PCDH15: variants seen among roughly 807,000 people sequenced by gnomAD.
PCDH15 encodes the protein protocadherin related 15, also known as protocadherin-15.
PCDH15 carries 129 observed loss-of-function variants against 178.5 expected under a neutral mutation model. That is an observed-to-expected ratio of 0.72 (90% confidence interval 0.63 to 0.84). The LOEUF (loss-of-function observed/expected upper bound fraction) is 0.84, where lower values mean the gene tolerates loss of function less well. PCDH15 is among the 40% of genes least tolerant of loss of function. PCDH15 has a pLI of 0.00. For synonymous variants in PCDH15, 800 were observed against 732.0 expected (o/e 1.09, Z -1.50); for missense variants, 2,230 against 2,099.9 (o/e 1.06, Z -1.21).
At position 53,807,037 on chromosome 10, in the gene PCDH15, G is replaced by GGTTTCTCT; in HGVS notation, c.4757_4764dup (p.Leu1590GlufsTer26). ...CTGTGGATACTAGGATGGTGAAGAC[G>GGTTTCTCT]GTTTCTCTGACATTCAGGAGCACTG... On this transcript the variant is annotated frameshift_variant, in exon 38 of 38. Coordinates refer to ENST00000644397, the MANE Select transcript of PCDH15 (RefSeq NM_001384140.1). LOFTEE classifies it high-confidence loss of function. The GGTTTCTCT allele has an allele frequency of 6.2e-7, 1 of 1,613,452 alleles. No homozygotes were observed. The highest frequency in any genetic ancestry group is 8.5e-7 in the Non-Finnish European group (1 of 1,179,666).
At chr10:54,967,699 C>T (rs1838826993) in intron 2 of PCDH15, among the ~76,000 whole-genome samples, 1 of 152,044 alleles carries the variant, frequency 6.6e-6, no homozygotes, top group African/African-American at 2.4e-5. Flanking sequence ...TGTTAGTTTT[C>T]CAGGGATGCT....
chr10:55,624,348 A>C (rs904096797), intron 2 of PCDH15, among the ~76,000 whole-genome samples: 1 of 151,946 alleles, frequency 6.6e-6, no homozygotes, highest in African/African-American at 2.4e-5. Context: ...ACATTATTCC[A>C]TTACATGCAT....
intron 13 of PCDH15, among the ~76,000 whole-genome samples, chr10:54,177,785 G>C (rs992276950): frequency 4.6e-5 from 7 of 152,070 alleles, no homozygotes; most frequent in Non-Finnish European, 8.8e-5. Flanking sequence ...CCTCCAACAC[G>C]ACTAGATGCA....
chr10:53,838,164 A>T (rs1315486323), intron 29 of PCDH15, among the ~76,000 whole-genome samples: 2 of 151,660 alleles, frequency 1.3e-5, no homozygotes, highest in Non-Finnish European at 2.9e-5. Context: ...TTTAGTAGAG[A>T]CGGGGTTTCA....
rs76605315 is a variant in PCDH15, at chr10:54,823,899, A to G, written c.-29+73551T>C. Among the ~76,000 whole-genome samples the G allele has an allele frequency of 7.8e-3, 1,191 of 152,284 alleles. 14 individuals are homozygous for G. Among genetic ancestry groups the G allele is most frequent in the African/African-American group, 0.027 (1,122 of 41,576 alleles). ...TGCAAAAAGCTTATTTGAACAGTAT[A>G]TGCAATTTTTCTTTCCTGCACTCCC... On this transcript the variant is annotated intron_variant, in intron 3 of 5. Transcript: ENST00000458638.
chr10:55,565,467 A>C lies in PCDH15; in HGVS notation c.-156+62158T>G, dbSNP rs1031744246. ...CCACTTTACAACTTAAACCAGAAAA[A>C]CAAACTGAAGGCAAGAAGAAGAAAG... On this transcript the variant is annotated intron_variant, in intron 2 of 5. Transcript: ENST00000613346. Among the ~76,000 whole-genome samples, 3 of 151,614 alleles carry C rather than the reference A, an allele frequency of 2.0e-5. No homozygotes were observed. The East Asian group carries it at 5.8e-4, about 29-fold the overall frequency.
Position 54,869,492 on chromosome 10 carries a change from G to A in PCDH15, c.-29+27958C>T, listed in dbSNP as rs149696989. Among the ~76,000 whole-genome samples the A allele has an allele frequency of 1.1e-4, 17 of 152,276 alleles. No homozygotes were observed. The East Asian group carries it at 2.9e-3, about 26-fold the overall frequency. ...CATTATATATTAAAGAGTACACAGT[G>A]TATGTAGAGAATAGGGGTTAACACT... On this transcript the variant is annotated intron_variant, in intron 3 of 5. Transcript: ENST00000458638.
rs141387823 is a variant in PCDH15, at chr10:54,697,515, G to GTATATATATATA, written c.-28-33237_-28-33226dup. On this transcript the variant is annotated intron_variant, in intron 1 of 37. Transcript: ENST00000644397. Reference sequence around the variant, plus strand: ...TATCGCTATGCTTATTGAAATGTGTGTATATATATATATATATATACCTCT... The same window carrying GTATATATATATA: ...TATCGCTATGCTTATTGAAATGTGTGTATATATATATATATATATATATATATATATACCTCT... 2.5e-3 allele frequency among the ~76,000 whole-genome samples: 364 copies of GTATATATATATA among 143,082 alleles called. 1 individual carries two copies. Among genetic ancestry groups the GTATATATATATA allele is most frequent in the African/African-American group, 8.7e-3 (329 of 37,828 alleles). The allele number at this position is 143,082 out of a possible 152,430, so 93.9% of individuals were successfully genotyped here. A position where few individuals can be genotyped will look rare whatever the true frequency, so the allele number is the denominator to read the frequency against.
intron 5 of PCDH15, among the ~76,000 whole-genome samples, chr10:54,358,597 G>A (rs1454275873): frequency 1.3e-5 from 2 of 151,178 alleles, no homozygotes; most frequent in Admixed American, 1.3e-4. Flanking sequence ...GTGGAAGTCA[G>A]TGTGGCGATT....
intron 2 of PCDH15, among the ~76,000 whole-genome samples, chr10:55,346,096 T>G (rs1588938803): frequency 6.6e-6 from 1 of 152,280 alleles, no homozygotes; most frequent in African/African-American, 2.4e-5. Flanking sequence ...CCTGCTATTT[T>G]TTGACACATG....
intron 2 of PCDH15, among the ~76,000 whole-genome samples, chr10:55,367,486 T>G (rs546504691): frequency 6.6e-6 from 1 of 151,864 alleles, no homozygotes; most frequent in East Asian, 1.9e-4. Context: ...GAGGCTGAGG[T>G]GGGAAGGTAA....
At chr10:54,547,166 C>A (rs1313293030) in intron 2 of PCDH15, among the ~76,000 whole-genome samples, 4 of 152,092 alleles carry the variant, frequency 2.6e-5, no homozygotes, top group Admixed American at 2.6e-4. Flanking sequence ...CCACCATGAA[C>A]AAAGGAAGTT....
intron 2 of PCDH15, among the ~76,000 whole-genome samples, chr10:55,505,247 T>C (rs528022963): frequency 1.3e-5 from 2 of 151,462 alleles, no homozygotes; most frequent in South Asian, 4.1e-4. Context: ...TTTAGTAATA[T>C]TAATTAGTGG....
At chr10:55,429,263 T>A (rs1019471279) in intron 2 of PCDH15, among the ~76,000 whole-genome samples, 4 of 152,136 alleles carry the variant, frequency 2.6e-5, no homozygotes, top group African/African-American at 9.6e-5. Flanking sequence ...TAAGATGGAT[T>A]TGCTGGTTAT....
In PCDH15 at chr10:55,188,265, A is replaced by G. The variant is rs118045414; in HGVS notation, c.-155-21614T>C. 5.4e-3 allele frequency among the ~76,000 whole-genome samples: 818 copies of G among 152,032 alleles called. 3 individuals are homozygous for G. The highest frequency in any genetic ancestry group is 0.031 in the Middle Eastern group (9 of 294). On this transcript the variant is annotated intron_variant, in intron 1 of 5. Coordinates refer to the PCDH15 transcript ENST00000458638. ...GAATTAAACTCCTTTTACCAATTCTATATAATTTTCTCACGCTTTCTATTT... is the reference window on the plus strand; with the variant it reads ...GAATTAAACTCCTTTTACCAATTCTGTATAATTTTCTCACGCTTTCTATTT...
At chr10:53,991,323 T>C (rs1243480259) in intron 21 of PCDH15, among the ~76,000 whole-genome samples, 1 of 152,178 alleles carries the variant, frequency 6.6e-6, no homozygotes, top group East Asian at 1.9e-4. Flanking sequence ...TGGAGGATTG[T>C]ACATGCACCA....
rs2094910254 is a variant in PCDH15, at chr10:54,105,953, A to T, written c.1918-15890T>A. 2.6e-5 allele frequency among the ~76,000 whole-genome samples: 4 copies of T among 152,376 alleles called. No individual in the cohort carries two copies. In the South Asian group the frequency reaches 8.3e-4, roughly 32 times the overall value. On this transcript the variant is annotated intron_variant, in intron 15 of 37. Transcript: ENST00000644397. ...GCAGACAATTGCACATTATTGAGAA[A>T]TAAAAAATAATGAAATATCAATATA...
intron 25 of PCDH15, among the ~76,000 whole-genome samples, chr10:53,908,138 G>T (rs564623360): frequency 6.6e-6 from 1 of 152,256 alleles, no homozygotes; most frequent in Non-Finnish European, 1.5e-5. Context: ...GCCATTTTTG[G>T]TAGTCACAAC....
At chr10:54,602,576 T>C (rs1274665201) in intron 2 of PCDH15, among the ~76,000 whole-genome samples, 2 of 152,044 alleles carry the variant, frequency 1.3e-5, no homozygotes, top group Admixed American at 6.6e-5. Context: ...GTTTTCCCCA[T>C]TGATTATTAT....
Sources: allele counts gnomAD v4.1 joint callset (sites outside exome capture counted in the v4.1 genomes callset), GRCh38; gene constraint gnomAD v4.1.1; transcripts MANE v1.5; gene names NCBI Gene and HGNC (gene_info 2026-07-23, HGNC 2026-07-21).